The following PRKN variants were observed in gnomAD, a reference collection of about 807,000 sequenced individuals.
PRKN encodes the protein parkin RBR E3 ubiquitin protein ligase, also known as E3 ubiquitin-protein ligase parkin.
Under a neutral mutation model 59.5 loss-of-function variants are expected in PRKN, and 56 were observed. That is an observed-to-expected ratio of 0.94 (90% CI 0.76 to 1.18). The LOEUF (loss-of-function observed/expected upper bound fraction) is 1.18. PRKN is among the 50% of genes most tolerant of loss of function. PRKN has a pLI of 0.00. For synonymous variants in PRKN, 250 were observed against 222.1 expected (o/e 1.13, Z -1.12); for missense variants, 657 against 596.4 (o/e 1.10, Z -1.06).
chr6:162,018,639 C>T (rs952436854), intron 5 of PRKN, among the ~76,000 whole-genome samples: 1 of 152,088 alleles, frequency 6.6e-6, no homozygotes, highest in African/African-American at 2.4e-5. Flanking sequence ...TTGTAATGTG[C>T]GAACTGATCA....
intron 6 of PRKN, among the ~76,000 whole-genome samples, chr6:161,938,457 G>C (rs1779434421): frequency 6.6e-6 from 1 of 152,150 alleles, no homozygotes; most frequent in Admixed American, 6.5e-5. Flanking sequence ...TACATTGTAT[G>C]GTTCTAGATG....
At chr6:162,215,354 A>C (rs547736268) in intron 3 of PRKN, among the ~76,000 whole-genome samples, 1 of 152,318 alleles carries the variant, frequency 6.6e-6, no homozygotes, top group African/African-American at 2.4e-5. Flanking sequence ...CAGCTTGCAA[A>C]AGATAAAATC....
intron 2 of PRKN, among the ~76,000 whole-genome samples, chr6:162,343,206 A>G (rs1344055266): frequency 6.6e-6 from 1 of 152,256 alleles, no homozygotes; most frequent in East Asian, 1.9e-4. Flanking sequence ...AAGATGCAAT[A>G]AATGAGAAGT....
Position 161,391,449 on chromosome 6 carries a change from G to A in PRKN, c.1084-4572C>T, listed in dbSNP as rs943729996. On this transcript the variant is annotated intron_variant, in intron 9 of 11. Transcript: ENST00000366898. The surrounding 1 kb of genome is among the most constrained non-coding windows in gnomAD (Gnocchi z 4.9). ...TTCCGTAGAGTTGTTTTTTTTTTTC[G>A]AGAAATTTTAAATGTCTTTAAACAA... Among the ~76,000 whole-genome samples, 7 of 146,984 alleles carry A rather than the reference G, an allele frequency of 4.8e-5. No homozygotes were observed. Among genetic ancestry groups the A allele is most frequent in the Non-Finnish European group, 9.0e-5 (6 of 66,740 alleles).
In PRKN at chr6:161,552,590, CAAA is replaced by C. The variant is rs1410015462; in HGVS notation, c.934-3590_934-3588del. On this transcript the variant is annotated intron_variant, in intron 8 of 11. Transcript: ENST00000366898. This position sits in a 1 kb window ranked among gnomAD's most constrained non-coding sequence, Gnocchi z 4.9. ...CTTCCACATTGAAAAAAAACAAAAA[CAAA>C]AAACAAAAAACAAAAAACTTTTTAT... 4.1e-4 allele frequency among the ~76,000 whole-genome samples: 61 copies of C among 147,244 alleles called. No individual in the cohort carries two copies. Among genetic ancestry groups the C allele is most frequent in the African/African-American group, 5.0e-4 (19 of 38,268 alleles).
chr6:162,723,236 G>C (rs544044087), intron 1 of PRKN, among the ~76,000 whole-genome samples: 1 of 152,312 alleles, frequency 6.6e-6, no homozygotes, highest in South Asian at 2.1e-4. Flanking sequence ...GGAATCACTG[G>C]ATCTGCTTTT....
chr6:161,412,331 C>G (rs1787611571), intron 9 of PRKN, among the ~76,000 whole-genome samples: 1 of 150,364 alleles, frequency 6.7e-6, no homozygotes, highest in Non-Finnish European at 1.5e-5. Flanking sequence ...CTCACTCATT[C>G]CTTCACTCAC....
At chr6:162,678,264 TTGTA>T (rs1397283814) in intron 1 of PRKN, among the ~76,000 whole-genome samples, 1 of 152,240 alleles carries the variant, frequency 6.6e-6, no homozygotes, top group Non-Finnish European at 1.5e-5. Flanking sequence ...CTATGGATAC[TTGTA>T]TGTGAGTCTT....
chr6:162,527,630 G>A (rs139352748), intron 1 of PRKN, among the ~76,000 whole-genome samples: 2 of 152,242 alleles, frequency 1.3e-5, no homozygotes, highest in Non-Finnish European at 2.9e-5. Flanking sequence ...GGTTAAAACT[G>A]ATCGAATAAA....
At chr6:162,098,307 G>T (rs111291924) in intron 4 of PRKN, among the ~76,000 whole-genome samples, 21 of 152,300 alleles carry the variant, frequency 1.4e-4, no homozygotes, top group African/African-American at 4.8e-4. Flanking sequence ...GTGACCATCA[G>T]AAATATTCAG....
At chr6:161,923,005 C>A (rs9347566) in intron 6 of PRKN, among the ~76,000 whole-genome samples, 40,014 of 152,058 alleles carry the variant, frequency 0.26, 5,438 homozygotes, top group Middle Eastern at 0.36. Context: ...CTATGGACAC[C>A]AGGTCACAGC....
At chr6:162,545,608 GTTATAA>G in intron 1 of PRKN, among the ~76,000 whole-genome samples, 1 of 152,218 alleles carries the variant, frequency 6.6e-6, no homozygotes, top group Middle Eastern at 3.4e-3. Flanking sequence ...AACATTTCAA[GTTATAA>G]TTATGTTAAT....
At chr6:161,734,077 A>T (rs1787867339) in intron 7 of PRKN, among the ~76,000 whole-genome samples, 1 of 151,840 alleles carries the variant, frequency 6.6e-6, no homozygotes, top group Non-Finnish European at 1.5e-5. Context: ...CCTAAAGTTC[A>T]TCTGGATGTG....
chr6:161,651,461 T>C (rs1005553102), intron 7 of PRKN, among the ~76,000 whole-genome samples: 4 of 152,172 alleles, frequency 2.6e-5, no homozygotes, highest in Non-Finnish European at 5.9e-5. Flanking sequence ...CCAAGTAATC[T>C]CACTGGAAAA....
intron 1 of PRKN, among the ~76,000 whole-genome samples, chr6:162,609,776 CTTATT>C (rs1271047407): frequency 6.6e-6 from 1 of 152,138 alleles, no homozygotes; most frequent in African/African-American, 2.4e-5. Flanking sequence ...CCACAGAAAT[CTTATT>C]TATCTTTGTG....
At chr6:162,673,800 C>G (rs1562487024) in intron 1 of PRKN, among the ~76,000 whole-genome samples, 1 of 152,200 alleles carries the variant, frequency 6.6e-6, no homozygotes, top group East Asian at 1.9e-4. Context: ...AACACTCAAT[C>G]ATACGTTCAA....
At chr6:162,313,634 C>T (rs1035965587) in intron 2 of PRKN, among the ~76,000 whole-genome samples, 5 of 151,912 alleles carry the variant, frequency 3.3e-5, no homozygotes, top group South Asian at 4.2e-4. Flanking sequence ...ATTACAGGCG[C>T]GTACCATCAT....
At chr6:161,706,539 C>A (rs567710235) in intron 7 of PRKN, among the ~76,000 whole-genome samples, 1 of 152,130 alleles carries the variant, frequency 6.6e-6, no homozygotes, top group African/African-American at 2.4e-5. Flanking sequence ...AATCGATAAA[C>A]GAAAGACAAG....
intron 1 of PRKN, among the ~76,000 whole-genome samples, chr6:162,530,847 A>G (rs1562360703): frequency 1.3e-5 from 2 of 152,230 alleles, no homozygotes; most frequent in Admixed American, 1.3e-4. Context: ...GCCTGAGCTC[A>G]GGAATTTGAG....
Sources: allele counts gnomAD v4.1 joint callset (sites outside exome capture counted in the v4.1 genomes callset), GRCh38; gene constraint gnomAD v4.1.1; non-coding constraint Gnocchi (gnomAD v3.1); transcripts MANE v1.5; gene names NCBI Gene and HGNC (gene_info 2026-07-23, HGNC 2026-07-21).